Variants in SOX5 observed in about 807,000 individuals in gnomAD.
SOX5 encodes SRY-box transcription factor 5.
SOX5 carries 9 observed loss-of-function variants against 92.0 expected under a neutral mutation model. The observed-to-expected ratio is 0.10, with a 90% confidence interval of 0.06 to 0.17. The LOEUF (loss-of-function observed/expected upper bound fraction) is 0.17. SOX5 is among the 10% of genes least tolerant of loss of function. The pLI is 1.00. For missense variants in SOX5, 642 were observed against 944.5 expected, an observed-to-expected ratio of 0.68 and a Z score of 4.20; for synonymous variants, 344 against 336.3, an observed-to-expected ratio of 1.02 and a Z score of -0.25.
intron 1 of SOX5, among the ~76,000 whole-genome samples, chr12:24,387,645 T>G (rs1357139051): frequency 6.6e-6 from 1 of 152,190 alleles, no homozygotes; most frequent in Non-Finnish European, 1.5e-5. Flanking sequence ...TCATGAAAGA[T>G]GACGATAATT....
At chr12:24,040,888 A>AC (rs1956457236) in intron 4 of SOX5, among the ~76,000 whole-genome samples, 1 of 152,108 alleles carries the variant, frequency 6.6e-6, no homozygotes, top group African/African-American at 2.4e-5. Flanking sequence ...AAAAACAAAA[A>AC]AAAAATTCAT....
intron 1 of SOX5, among the ~76,000 whole-genome samples, chr12:23,925,196 A>G (rs75980029): frequency 0.047 from 7,150 of 152,118 alleles, 550 homozygotes; most frequent in African/African-American, 0.16. Flanking sequence ...TTGGCTCTCT[A>G]TTTTAGGTAG....
intron 9 of SOX5, among the ~76,000 whole-genome samples, chr12:23,603,644 C>G (rs1405862823): frequency 6.6e-6 from 1 of 151,522 alleles, no homozygotes; most frequent in African/African-American, 2.4e-5. Flanking sequence ...GATCTTAATA[C>G]AAATACAAAT....
intron 1 of SOX5, among the ~76,000 whole-genome samples, chr12:24,477,070 A>G (rs1945473240): frequency 6.6e-6 from 1 of 151,768 alleles, no homozygotes; most frequent in Non-Finnish European, 1.5e-5. Flanking sequence ...AAATAAGGTA[A>G]CATTCCAAAA....
intron 6 of SOX5, among the ~76,000 whole-genome samples, chr12:23,722,257 C>T (rs972257983): frequency 1.3e-5 from 2 of 151,882 alleles, no homozygotes; most frequent in Admixed American, 1.3e-4. Flanking sequence ...AGAAATATAC[C>T]CTTACCTGAT....
At chr12:24,511,556 C>T (rs539656716) in intron 1 of SOX5, among the ~76,000 whole-genome samples, 100 of 152,172 alleles carry the variant, frequency 6.6e-4, no homozygotes, top group Non-Finnish European at 1.2e-3. Flanking sequence ...TACTAAGCAC[C>T]TAGCAGGAGC....
chr12:24,148,052 A>C lies in SOX5; in HGVS notation c.-2+65291T>G, dbSNP rs1296761763. 2.0e-5 allele frequency among the ~76,000 whole-genome samples: 3 copies of C among 152,210 alleles called. No homozygotes were observed. The East Asian group carries it at 5.8e-4, about 29-fold the overall frequency. Reference sequence around the variant, plus strand: ...CTAGAGTTTTTGGGTAGAAACTGACAAATTCATTCTAAAATTTATATAAAA... The same window carrying C: ...CTAGAGTTTTTGGGTAGAAACTGACCAATTCATTCTAAAATTTATATAAAA... On this transcript the variant is annotated intron_variant, in intron 4 of 4. Transcript: ENST00000446891.
chr12:24,389,974 T>A (rs1197992179), intron 1 of SOX5, among the ~76,000 whole-genome samples: 1 of 152,196 alleles, frequency 6.6e-6, no homozygotes, highest in Non-Finnish European at 1.5e-5. Context: ...TATATTCTTA[T>A]AACTACTTCC....
At chr12:24,235,862 T>A (rs1434006896) in intron 3 of SOX5, among the ~76,000 whole-genome samples, 1 of 152,154 alleles carries the variant, frequency 6.6e-6, no homozygotes, top group Non-Finnish European at 1.5e-5. Context: ...TTGTAACTAA[T>A]AGACAACTTT....
At chr12:24,486,097 C>T (rs147097119) in intron 1 of SOX5, among the ~76,000 whole-genome samples, 2,650 of 152,112 alleles carry the variant, frequency 0.017, 28 homozygotes, top group Middle Eastern at 0.034. Flanking sequence ...GAACTACAGG[C>T]ACTAATTTTT....
At chr12:23,898,822 T>G (rs897270696) in intron 1 of SOX5, among the ~76,000 whole-genome samples, 1 of 152,216 alleles carries the variant, frequency 6.6e-6, no homozygotes, top group African/African-American at 2.4e-5. Context: ...CTCAATGCAT[T>G]GGCCTTGAAA....
chr12:24,297,511 A>G (rs1947407784), intron 2 of SOX5, among the ~76,000 whole-genome samples: 1 of 152,236 alleles, frequency 6.6e-6, no homozygotes, highest in East Asian at 1.9e-4. Context: ...AAACAGGTAA[A>G]ATTCCCACTC....
intron 2 of SOX5, among the ~76,000 whole-genome samples, chr12:24,289,236 G>C (rs370798043): frequency 6.7e-4 from 102 of 151,548 alleles, no homozygotes; most frequent in African/African-American, 2.2e-3. Flanking sequence ...AGCCGTGATC[G>C]CATCACTGTA....
chr12:24,561,880 C>A (rs1008870046), intron 1 of SOX5, among the ~76,000 whole-genome samples: 4 of 152,220 alleles, frequency 2.6e-5, no homozygotes, highest in Non-Finnish European at 5.9e-5. Flanking sequence ...TAGGGTCTGG[C>A]CTTGGACATT....
At chr12:23,897,669 AG>A (rs1433051788) in intron 1 of SOX5, among the ~76,000 whole-genome samples, 9 of 152,204 alleles carry the variant, frequency 5.9e-5, no homozygotes, top group African/African-American at 2.2e-4. Context: ...TGCCTAGTAA[AG>A]GGTTTCACTA....
chr12:24,235,055 T>A (rs1464501), intron 3 of SOX5, among the ~76,000 whole-genome samples: 48,066 of 152,114 alleles, frequency 0.32, 8,015 homozygotes, highest in African/African-American at 0.38. Flanking sequence ...AGTATTTGCA[T>A]GAGATTTTTG....
rs542788430 is a variant in SOX5 at position 23,965,405 on chromosome 12, C to T, written c.-1-69381G>A. The stretch of plus-strand genomic sequence containing the variant: ...AAACTGTCTGATCCTGCCTCCTCCA[C>T]ACCAGCCACCACAGTTAGATGGGGG... On this transcript the variant is annotated intron_variant, in intron 4 of 4. Coordinates refer to the SOX5 transcript ENST00000446891. 2.6e-5 allele frequency among the ~76,000 whole-genome samples: 4 copies of T among 152,238 alleles called. No individual in the cohort carries two copies. In the East Asian group the frequency reaches 7.7e-4, roughly 29 times the overall value.
At chr12:24,404,740 T>C (rs1370721372) in intron 1 of SOX5, among the ~76,000 whole-genome samples, 1 of 152,116 alleles carries the variant, frequency 6.6e-6, no homozygotes, top group Non-Finnish European at 1.5e-5. Flanking sequence ...TTGAAGTAAT[T>C]GCGCTCCTCT....
chr12:23,617,488 A>G (rs569783364), intron 8 of SOX5, among the ~76,000 whole-genome samples: 2 of 152,348 alleles, frequency 1.3e-5, no homozygotes, highest in East Asian at 3.9e-4. Flanking sequence ...TTAATAATAC[A>G]TAGACAATCT....
Sources: allele counts gnomAD v4.1 joint callset (sites outside exome capture counted in the v4.1 genomes callset), GRCh38; gene constraint gnomAD v4.1.1; transcripts MANE v1.5; gene names NCBI Gene and HGNC (gene_info 2026-07-23, HGNC 2026-07-21).